KCNJ3: variants seen among roughly 807,000 people sequenced by gnomAD.
The protein encoded by KCNJ3 is G protein-activated inward rectifier potassium channel 1.
Under a neutral mutation model 39.2 loss-of-function variants are expected in KCNJ3, and 4 were observed. The ratio of observed to expected loss-of-function variants is 0.10; its 90% CI spans 0.05 to 0.23. The LOEUF (loss-of-function observed/expected upper bound fraction) is 0.23. Ranked by LOEUF, KCNJ3 falls within the 10% of genes least tolerant of loss-of-function variation. The pLI is 1.00. For synonymous variants in KCNJ3, 230 were observed against 237.4 expected, an observed-to-expected ratio of 0.97 and a Z score of 0.29; for missense variants, 276 against 634.9, an observed-to-expected ratio of 0.43 and a Z score of 6.08.
chr2:154,716,276 A>T (rs1203057666), intron 2 of KCNJ3, among the ~76,000 whole-genome samples: 1 of 115,452 alleles, frequency 8.7e-6, no homozygotes, highest in Admixed American at 9.9e-5. Context: ...CGGCCGGCTA[A>T]TTTTTTTTTT....
chr2:154,750,509 A>T (rs909250491), intron 2 of KCNJ3, among the ~76,000 whole-genome samples: 5 of 152,010 alleles, frequency 3.3e-5, no homozygotes, highest in Non-Finnish European at 7.4e-5. Flanking sequence ...ATAAATTCTT[A>T]TCTTGAAATT....
intron 2 of KCNJ3, among the ~76,000 whole-genome samples, chr2:154,744,095 G>A (rs942210261): frequency 2.0e-5 from 3 of 151,622 alleles, no homozygotes; most frequent in Non-Finnish European, 4.4e-5. Context: ...CAGCTGAAAT[G>A]ATTCTGTAAT....
intron 2 of KCNJ3, among the ~76,000 whole-genome samples, chr2:154,746,747 A>G (rs1304056918): frequency 6.6e-6 from 1 of 151,580 alleles, no homozygotes; most frequent in African/African-American, 2.4e-5. Context: ...AAGAAAATTC[A>G]TAAAGTCTTT....
intron 2 of KCNJ3, among the ~76,000 whole-genome samples, chr2:154,835,283 G>T (rs545444822): frequency 6.6e-6 from 1 of 151,708 alleles, no homozygotes; most frequent in East Asian, 1.9e-4. Context: ...TTTTTGAAAT[G>T]CTTATTAGGC....
intron 2 of KCNJ3, among the ~76,000 whole-genome samples, chr2:154,834,502 CG>C (rs1185474648): frequency 6.6e-6 from 1 of 152,018 alleles, no homozygotes; most frequent in African/African-American, 2.4e-5. Flanking sequence ...GCTGCCGAGG[CG>C]GGTGGATCAC....
intron 2 of KCNJ3, among the ~76,000 whole-genome samples, chr2:154,804,036 G>T (rs1477466977): frequency 6.6e-6 from 1 of 152,128 alleles, no homozygotes; most frequent in African/African-American, 2.4e-5. Context: ...TTCTAAAAAT[G>T]ATTTCAGTAT....
Position 154,699,557 on chromosome 2 carries a change from G to A in KCNJ3, c.702+80G>A. On this transcript the variant is annotated intron_variant, in intron 1 of 2. Coordinates refer to ENST00000295101, the MANE Select transcript of KCNJ3 (RefSeq NM_002239.4). This position sits in a 1 kb window ranked among gnomAD's most constrained non-coding sequence, Gnocchi z 6.4. ...GAGTAACTCGTCTGAGAACCAGCCC[G>A]GGCCCCCTCCCCTGGTTCTACCTAT... The A allele has an allele frequency of 6.7e-7, 1 of 1,481,942 alleles. No individual in the cohort carries two copies. The highest frequency in any genetic ancestry group is 8.9e-7 in the Non-Finnish European group (1 of 1,117,956). 91.8% of individuals were successfully genotyped at this position (1,481,942 alleles called of 1,614,324 possible). A position where few individuals can be genotyped will look rare whatever the true frequency, so the allele number is the denominator to read the frequency against.
At chr2:154,794,529 T>G (rs1413720283) in intron 2 of KCNJ3, among the ~76,000 whole-genome samples, 1 of 152,010 alleles carries the variant, frequency 6.6e-6, no homozygotes, top group Admixed American at 6.6e-5. Flanking sequence ...TGTTGCAGTA[T>G]GACTGAGTGG....
intron 2 of KCNJ3, among the ~76,000 whole-genome samples, chr2:154,782,070 C>T (rs1024034060): frequency 1.3e-5 from 2 of 152,028 alleles, no homozygotes; most frequent in East Asian, 1.9e-4. Flanking sequence ...TGTTTAGTTT[C>T]GGGGTACTTT....
intron 2 of KCNJ3, among the ~76,000 whole-genome samples, chr2:154,803,954 AAC>A (rs1237022226): frequency 6.6e-6 from 1 of 152,134 alleles, no homozygotes; most frequent in African/African-American, 2.4e-5. Flanking sequence ...TACAAAATTT[AAC>A]AGTTGTGTTA....
intron 2 of KCNJ3, among the ~76,000 whole-genome samples, chr2:154,825,902 G>A (rs1449158029): frequency 6.9e-6 from 1 of 144,594 alleles, no homozygotes; most frequent in African/African-American, 2.6e-5. Flanking sequence ...AATTATTAAT[G>A]TTAACCTATT....
At chr2:154,799,302 G>T (rs1686771430) in intron 2 of KCNJ3, among the ~76,000 whole-genome samples, 1 of 152,084 alleles carries the variant, frequency 6.6e-6, no homozygotes, top group African/African-American at 2.4e-5. Flanking sequence ...ACCACGCCCA[G>T]CTAATTTTTG....
At chr2:154,851,590 C>T (rs1687756386) in intron 2 of KCNJ3, among the ~76,000 whole-genome samples, 1 of 152,168 alleles carries the variant, frequency 6.6e-6, no homozygotes, top group South Asian at 2.1e-4. Context: ...GTGGCATTGA[C>T]AGCCAGATTC....
chr2:154,800,730 C>A (rs1249078060), intron 2 of KCNJ3, among the ~76,000 whole-genome samples: 1 of 152,106 alleles, frequency 6.6e-6, no homozygotes, highest in African/African-American at 2.4e-5. Context: ...TTTGATGACA[C>A]CAAACAATTA....
At chr2:154,807,379 T>G (rs527521576) in intron 2 of KCNJ3, among the ~76,000 whole-genome samples, 1 of 152,272 alleles carries the variant, frequency 6.6e-6, no homozygotes, top group African/African-American at 2.4e-5. Flanking sequence ...TTAATTACAA[T>G]AGTCGTTCAC....
intron 2 of KCNJ3, among the ~76,000 whole-genome samples, chr2:154,739,179 G>T (rs1034394752): frequency 6.6e-6 from 1 of 151,902 alleles, no homozygotes; most frequent in Admixed American, 6.6e-5. Flanking sequence ...TAGCATGTGG[G>T]AGTATTAACC....
intron 2 of KCNJ3, among the ~76,000 whole-genome samples, chr2:154,812,049 A>G (rs1367949054): frequency 6.6e-6 from 1 of 152,098 alleles, no homozygotes; most frequent in East Asian, 1.9e-4. Flanking sequence ...AAATGATCTC[A>G]TTTACCAGAA....
At chr2:154,719,554 A>G (rs1404253407) in intron 2 of KCNJ3, among the ~76,000 whole-genome samples, 4 of 152,180 alleles carry the variant, frequency 2.6e-5, no homozygotes, top group Non-Finnish European at 5.9e-5. Context: ...AATGCCATGC[A>G]AGGATGTTAG....
At chr2:154,819,733 G>A (rs558571760) in intron 2 of KCNJ3, among the ~76,000 whole-genome samples, 3 of 152,050 alleles carry the variant, frequency 2.0e-5, no homozygotes, top group African/African-American at 4.8e-5. Context: ...GTTGCACCCT[G>A]TTGGCCAGGA....
Sources: gnomAD v4.1 joint callset for allele counts (sites outside exome capture counted in the v4.1 genomes callset) on GRCh38, gnomAD v4.1.1 for gene constraint, Gnocchi (gnomAD v3.1) non-coding constraint, MANE v1.5 for transcripts, NCBI Gene and HGNC (gene_info 2026-07-23, HGNC 2026-07-21) for gene names.